Variants in RFPL1 observed in about 807,000 individuals in gnomAD.
The protein encoded by RFPL1 is ret finger protein-like 1.
Under a neutral mutation model 9.6 loss-of-function variants are expected in RFPL1, and 6 were observed. That is an observed-to-expected ratio of 0.62 (90% CI 0.34 to 1.23). The LOEUF (loss-of-function observed/expected upper bound fraction) is 1.23. Among genes scored for constraint, RFPL1 ranks in the 50% most tolerant of loss-of-function variants. RFPL1 has a pLI of 0.03. For missense variants in RFPL1, 352 were observed against 398.4 expected (o/e 0.88, Z 0.99); for synonymous variants, 145 against 149.4 (o/e 0.97, Z 0.22).
At chr22:29,410,571 T>TATAGATATA in the RFPL1 span, among the ~76,000 whole-genome samples, 2 of 81,824 alleles carry the variant, frequency 2.4e-5, no homozygotes, top group Non-Finnish European at 5.9e-5. Flanking sequence ...GATATATATA[T>TATAGATATA]TGTAGATATA....
exon 1 of RFPL1, chr22:29,438,585 C>G: frequency 7.1e-7 from 1 of 1,415,862 alleles, no homozygotes; most frequent in Admixed American, 2.9e-5. Flanking sequence ...TGGGTGCTGC[C>G]GTGTCACTGG....
At chr22:29,403,575 C>T in the RFPL1 span, among the ~76,000 whole-genome samples, 7 of 152,036 alleles carry the variant, frequency 4.6e-5, no homozygotes, top group African/African-American at 9.7e-5. Flanking sequence ...AACAGACAGA[C>T]GATCATGACC....
chr22:29,426,246 C>T, the RFPL1 span, among the ~76,000 whole-genome samples: 51 of 152,010 alleles, frequency 3.4e-4, no homozygotes, highest in African/African-American at 1.2e-3. Context: ...TCGCTTGAAT[C>T]CGGGAGATGA....
chr22:29,425,638 C>G, the RFPL1 span, among the ~76,000 whole-genome samples: 1 of 152,166 alleles, frequency 6.6e-6, no homozygotes, highest in East Asian at 1.9e-4. Flanking sequence ...ATTTGTGAAG[C>G]ATTTGATGGG....
chr22:29,441,100 C>T (rs1425245702), intron 1 of RFPL1: 2 of 165,900 alleles, frequency 1.2e-5, no homozygotes, highest in African/African-American at 2.4e-5. Flanking sequence ...AATTTGCTTA[C>T]AAACATGGAA....
the RFPL1 span, among the ~76,000 whole-genome samples, chr22:29,408,691 C>T: frequency 1.3e-5 from 2 of 152,142 alleles, no homozygotes; most frequent in Non-Finnish European, 2.9e-5. Context: ...TGGACTCTAG[C>T]GACCGGTCAC....
At chr22:29,415,074 A>G in the RFPL1 span, among the ~76,000 whole-genome samples, 1 of 152,156 alleles carries the variant, frequency 6.6e-6, no homozygotes, top group East Asian at 1.9e-4. Flanking sequence ...AACCAAAACC[A>G]AAACCAAAGT....
At chr22:29,397,102 T>G in the RFPL1 span, among the ~76,000 whole-genome samples, 2 of 150,144 alleles carry the variant, frequency 1.3e-5, no homozygotes, top group African/African-American at 4.9e-5. Flanking sequence ...GTAGAGATGG[T>G]GTTTCACCGT....
chr22:29,417,893 G>A, the RFPL1 span, among the ~76,000 whole-genome samples: 1 of 151,752 alleles, frequency 6.6e-6, no homozygotes, highest in Non-Finnish European at 1.5e-5. Context: ...AGTGAGCTGG[G>A]GTGATGAGGG....
At chr22:29,424,104 C>T in the RFPL1 span, among the ~76,000 whole-genome samples, 2 of 151,964 alleles carry the variant, frequency 1.3e-5, no homozygotes, top group East Asian at 1.9e-4. Flanking sequence ...CACTGGAACC[C>T]GGGAGACGGA....
At chr22:29,429,485 G>T in the RFPL1 span, among the ~76,000 whole-genome samples, 52 of 152,066 alleles carry the variant, frequency 3.4e-4, 1 homozygote, top group Non-Finnish European at 4.1e-4. Flanking sequence ...CATTACAACT[G>T]GAAATCCAGA....
the RFPL1 span, among the ~76,000 whole-genome samples, chr22:29,421,320 C>A: frequency 6.6e-6 from 1 of 152,142 alleles, no homozygotes; most frequent in Non-Finnish European, 1.5e-5. Context: ...CATAGTGGCA[C>A]GTGCCTGTAG....
the RFPL1 span, among the ~76,000 whole-genome samples, chr22:29,396,897 CTTTTTTTTTTTTTT>C: frequency 0.01 from 758 of 72,644 alleles, 11 homozygotes; most frequent in African/African-American, 0.048. Flanking sequence ...CCTGAAACTT[CTTTTTTTTTTTTTT>C]TTTTTTTTTT....
At chr22:29,407,094 T>A in the RFPL1 span, among the ~76,000 whole-genome samples, 2 of 146,088 alleles carry the variant, frequency 1.4e-5, no homozygotes, top group African/African-American at 5.5e-5. Flanking sequence ...TGTGTGTGTG[T>A]GTGTGTGTGT....
chr22:29,417,448 TG>T, the RFPL1 span, among the ~76,000 whole-genome samples: 1 of 150,432 alleles, frequency 6.6e-6, no homozygotes, highest in African/African-American at 2.5e-5. Flanking sequence ...TCTGGAGCAG[TG>T]GGAGCCTATC....
At chr22:29,390,159 C>T in the RFPL1 span, among the ~76,000 whole-genome samples, 1 of 152,178 alleles carries the variant, frequency 6.6e-6, no homozygotes, top group African/African-American at 2.4e-5. Flanking sequence ...TTCTACTTGG[C>T]ACTTTCCAGT....
intron 1 of RFPL1, chr22:29,440,116 C>G (rs2146366727): frequency 6.6e-6 from 1 of 152,328 alleles, no homozygotes; most frequent in Non-Finnish European, 1.5e-5. Flanking sequence ...CAAAGAATTA[C>G]ACCTATAAAT....
chr22:29,418,183 C>T, the RFPL1 span, among the ~76,000 whole-genome samples: 1 of 152,108 alleles, frequency 6.6e-6, no homozygotes, highest in Non-Finnish European at 1.5e-5. Flanking sequence ...CCTCCTCGGC[C>T]TCCCAAAGTG....
At chr22:29,401,150 C>T in the RFPL1 span, among the ~76,000 whole-genome samples, 4 of 152,304 alleles carry the variant, frequency 2.6e-5, no homozygotes, top group East Asian at 7.7e-4. Context: ...ATTGTATATG[C>T]TGTTATGACA....
Sources: allele counts gnomAD v4.1 joint callset (sites outside exome capture counted in the v4.1 genomes callset), GRCh38; gene constraint gnomAD v4.1.1; transcripts MANE v1.5; gene names NCBI Gene and HGNC (gene_info 2026-07-23, HGNC 2026-07-21).